The following POMT2 variants were observed in gnomAD, a reference collection of about 807,000 sequenced individuals.
POMT2 encodes the protein protein O-mannosyl-transferase 2.
Under a neutral mutation model 100.0 loss-of-function variants are expected in POMT2, and 75 were observed. That is an observed-to-expected ratio of 0.75 (90% CI 0.62 to 0.91). POMT2 has a LOEUF of 0.91. Among genes scored for constraint, POMT2 ranks in the 40% least tolerant of loss-of-function variants. The probability of loss-of-function intolerance (pLI) is 0.00; values close to 1 mark genes in which losing one functional copy is unlikely to be tolerated. For missense variants in POMT2, 940 were observed against 955.1 expected (o/e 0.98, Z 0.21); for synonymous variants, 378 against 374.1 (o/e 1.01, Z -0.12).
chr14:77,318,572 A>G (rs1891709246), intron 1 of POMT2, among the ~76,000 whole-genome samples: 1 of 152,146 alleles, frequency 6.6e-6, no homozygotes, highest in Non-Finnish European at 1.5e-5. Flanking sequence ...CTGTTCAGTG[A>G]CACTGCCCAT....
At chr14:77,307,647 G>A (rs181514362) in intron 2 of POMT2, among the ~76,000 whole-genome samples, 192 of 152,226 alleles carry the variant, frequency 1.3e-3, no homozygotes, top group African/African-American at 4.4e-3. Flanking sequence ...AGATGCTTTG[G>A]ATCTCAGTAC....
chr14:77,293,980 T>A (rs1177626533), intron 9 of POMT2, among the ~76,000 whole-genome samples: 1 of 152,078 alleles, frequency 6.6e-6, no homozygotes, highest in Admixed American at 6.5e-5. Flanking sequence ...TGACTTAGAA[T>A]AATTTGGACA....
At position 77,278,754 on chromosome 14, in the gene POMT2, G is replaced by A; in HGVS notation, c.2007C>T (p.Ala669=). 6.2e-7 allele frequency: 1 copy of A among 1,613,984 alleles called. No homozygotes were observed. Among genetic ancestry groups the A allele is most frequent in the Non-Finnish European group, 8.5e-7 (1 of 1,179,944 alleles). Residue 669 remains alanine (A), a synonymous_variant, in exon 19 of 21, where the codon GCC becomes GCT. Transcript: ENST00000261534. ...CTGTCAACATGCTTGAGAAGAGCAT[G>A]GCTGGGAAGTAGTGGTGGAAGTAGA... The part of the protein sequence containing the change: ...RVLYFHHYFP[A]MLFSSMLTGI...
At chr14:77,284,625 G>C (rs1890351747) in intron 14 of POMT2, among the ~76,000 whole-genome samples, 1 of 152,186 alleles carries the variant, frequency 6.6e-6, no homozygotes, top group Non-Finnish European at 1.5e-5. Flanking sequence ...GAGGCATAAA[G>C]GGAAAGTAGC....
intron 1 of POMT2, among the ~76,000 whole-genome samples, chr14:77,314,523 A>G (rs1197975144): frequency 6.6e-6 from 1 of 152,234 alleles, no homozygotes; most frequent in Non-Finnish European, 1.5e-5. Flanking sequence ...GGAGACAAGC[A>G]TAGGATGAGG....
At chr14:77,288,663 C>T in intron 11 of POMT2, 99 bp downstream of exon 11, 2 of 1,029,802 alleles carry the variant, frequency 1.9e-6, no homozygotes, top group South Asian at 2.7e-5. Context: ...CTCCATTGAC[C>T]AGAGCCTCAT....
chr14:77,278,932 T>C (rs1395188841), intron 18 of POMT2, 63 bp from the exon 19 acceptor site: 1 of 1,555,214 alleles, frequency 6.4e-7, no homozygotes, highest in East Asian at 2.3e-5. Flanking sequence ...CAGGCTCTGG[T>C]CCAGCTCTGC....
intron 9 of POMT2, among the ~76,000 whole-genome samples, chr14:77,295,871 A>G (rs1365672139): frequency 3.9e-5 from 6 of 152,044 alleles, no homozygotes; most frequent in African/African-American, 1.4e-4. Context: ...GTAAGCATGC[A>G]CAGTTCAATA....
intron 12 of POMT2, 128 bp from the exon 13 acceptor site, chr14:77,285,760 A>G: frequency 9.0e-7 from 1 of 1,109,642 alleles, no homozygotes; most frequent in Non-Finnish European, 1.4e-6. Flanking sequence ...AGGCTCAATG[A>G]TAGAGATGGG....
rs1889889702 is a variant in POMT2, at chr14:77,275,166, C to G, written c.*2210G>C. On this transcript the variant is annotated 3_prime_UTR_variant, in exon 21 of 21. Transcript: ENST00000261534. ...ATAGAAGCACCCTGACAGCCCTTCT[C>G]CAGCAACTTCCAGAAAACAGAACCT... The G allele has an allele frequency of 6.6e-6, 1 of 152,258 alleles. No homozygotes were observed. Among genetic ancestry groups the G allele is most frequent in the African/African-American group, 2.4e-5 (1 of 41,454 alleles). The allele number at this position is 152,258 out of a possible 1,614,324, so 9.4% of individuals were successfully genotyped here.
At chr14:77,279,060 C>T (rs1890101055) in intron 18 of POMT2, 191 bp from the exon 19 acceptor site, 2 of 761,616 alleles carry the variant, frequency 2.6e-6, no homozygotes, top group Non-Finnish European at 2.2e-6. Flanking sequence ...AGGGCCCAGC[C>T]TAGTGAGGCC....
Position 77,302,888 on chromosome 14 carries a change from G to C in POMT2, c.603C>G (p.Phe201Leu). 1 of 1,614,008 alleles carries C rather than the reference G, an allele frequency of 6.2e-7. No individual in the cohort carries two copies. Among genetic ancestry groups the C allele is most frequent in the Non-Finnish European group, 8.5e-7 (1 of 1,179,880 alleles). ...QYILLDPILM[F>L]FIMAAMLSMV... ...TGCTCAGCATGGCAGCCATGATGAAGAACATCAGGATGGGGTCAAGGAGGA... is the reference window on the plus strand; with the variant it reads ...TGCTCAGCATGGCAGCCATGATGAACAACATCAGGATGGGGTCAAGGAGGA... Residue 201 changes from phenylalanine to leucine, a missense_variant, in exon 5 of 21, where the codon TTC becomes TTG. Phe to Leu is a conservative substitution (Grantham distance 22, BLOSUM62 0). Coordinates refer to ENST00000261534, the MANE Select transcript of POMT2 (RefSeq NM_013382.7).
chr14:77,305,286 T>C (rs957656575), intron 3 of POMT2, among the ~76,000 whole-genome samples: 2 of 152,230 alleles, frequency 1.3e-5, no homozygotes, highest in African/African-American at 2.4e-5. Flanking sequence ...ATCTACACAA[T>C]GTATGTATTT....
chr14:77,282,037 G>A lies in POMT2; in HGVS notation c.1654-1574C>T, dbSNP rs148202519. 7.5e-3 allele frequency among the ~76,000 whole-genome samples: 1,142 copies of A among 152,290 alleles called. 13 individuals carry two copies. Among genetic ancestry groups the A allele is most frequent in the African/African-American group, 0.025 (1,057 of 41,554 alleles). ...GGCATCAGACACAAAGGGGACAGCT[G>A]CACGGCCCCAGCGTCACTGCGGCCC... On this transcript the variant is annotated intron_variant, in intron 15 of 20. Coordinates refer to ENST00000261534, the MANE Select transcript of POMT2 (RefSeq NM_013382.7).
rs751053480 is a variant in POMT2, at chr14:77,277,388, T to G, written c.2241A>C (p.Ser747=). ...SPMAGLRWLD[S]WDF is the part of the protein sequence containing the mutation. The stretch of plus-strand genomic sequence containing the variant: ...CTTTGCAGTGGCCTCAAAAGTCCCA[T>G]GAGTCCAGCCACCTTAGTCCTGCCA... Residue 747 remains serine (S), a synonymous_variant, in exon 21 of 21, where the codon TCA becomes TCC. Coordinates refer to ENST00000261534, the MANE Select transcript of POMT2 (RefSeq NM_013382.7). The G allele has an allele frequency of 6.2e-7, 1 of 1,612,638 alleles. No homozygotes were observed. The highest frequency in any genetic ancestry group is 1.3e-5 in the African/African-American group (1 of 74,884).
chr14:77,315,668 G>GA (rs1055302203), intron 1 of POMT2, among the ~76,000 whole-genome samples: 3 of 152,230 alleles, frequency 2.0e-5, no homozygotes, highest in Non-Finnish European at 4.4e-5. Context: ...TGGTCCAGAA[G>GA]AAAAAAATCT....
chr14:77,300,787 T>A, intron 6 of POMT2: 1 of 347,124 alleles, frequency 2.9e-6, no homozygotes, highest in Non-Finnish European at 5.5e-6. Context: ...CCCACTGCAC[T>A]CCAGCCTGGG....
At chr14:77,280,702 AAG>A (rs369625796) in intron 15 of POMT2, among the ~76,000 whole-genome samples, 1 of 70,794 alleles carries the variant, frequency 1.4e-5, no homozygotes, top group Non-Finnish European at 2.8e-5. Context: ...AGGGAAAAAG[AAG>A]GGAAAGAGGA....
Position 77,302,903 on chromosome 14 carries a change from G to A in POMT2, c.588C>T (p.Asp196=). The change falls in exon 5 of 21, where the codon GAC becomes GAT. Residue 196 remains aspartate (D), a synonymous_variant. Transcript: ENST00000261534. Reference sequence around the variant, plus strand: ...CCATGATGAAGAACATCAGGATGGGGTCAAGGAGGATGTACTGGGACAGAG... The same window carrying A: ...CCATGATGAAGAACATCAGGATGGGATCAAGGAGGATGTACTGGGACAGAG... ...CLTLSQYILL[D]PILMFFIMAA... is the part of the protein sequence containing the mutation. The A allele has an allele frequency of 6.2e-7, 1 of 1,613,944 alleles. No homozygotes were observed. The highest frequency in any genetic ancestry group is 1.3e-5 in the African/African-American group (1 of 75,052).
Sources: gnomAD v4.1 joint callset for allele counts (sites outside exome capture counted in the v4.1 genomes callset) on GRCh38, gnomAD v4.1.1 for gene constraint, MANE v1.5 for transcripts, NCBI Gene and HGNC (gene_info 2026-07-23, HGNC 2026-07-21) for gene names.